Variants in RSU1 observed in about 807,000 individuals in gnomAD.
The protein encoded by RSU1 is rsu-1.
A neutral mutation model predicts 31.1 loss-of-function variants in RSU1; 26 were observed. That is an observed-to-expected ratio of 0.84 (90% confidence interval 0.61 to 1.16). The LOEUF is 1.16. RSU1 is among the 50% of genes most tolerant of loss of function. The pLI, the probability that RSU1 is intolerant of heterozygous loss-of-function variation, is 0.00. For missense variants in RSU1, 320 were observed against 339.1 expected (o/e 0.94, Z 0.44); for synonymous variants, 164 against 136.3 (o/e 1.20, Z -1.41).
chr10:16,808,288 G>A (rs577656196), intron 2 of RSU1, among the ~76,000 whole-genome samples: 1 of 151,886 alleles, frequency 6.6e-6, no homozygotes, highest in South Asian at 2.1e-4. Context: ...GACCAGCCTG[G>A]TCAACATGGC....
chr10:16,723,341 T>C (rs1462383814), intron 7 of RSU1: 1 of 152,176 alleles, frequency 6.6e-6, no homozygotes, highest in African/African-American at 2.4e-5. Flanking sequence ...TAAACCTGTG[T>C]CTATTTTTAA....
chr10:16,765,648 C>A (rs1167205066), intron 3 of RSU1, among the ~76,000 whole-genome samples: 1 of 152,214 alleles, frequency 6.6e-6, no homozygotes, highest in Non-Finnish European at 1.5e-5. Context: ...AGTCTTTCTA[C>A]AAACATTTCT....
In RSU1 at chr10:16,592,454, A is replaced by G. The variant is rs1031342231; in HGVS notation, c.*940T>C. 6.6e-6 allele frequency: 1 copy of G among 152,176 alleles called. No individual in the cohort carries two copies. The highest frequency in any genetic ancestry group is 1.5e-5 in the Non-Finnish European group (1 of 68,030). The allele number at this position is 152,176 out of a possible 1,614,324, so 9.4% of individuals were successfully genotyped here. On this transcript the variant is annotated 3_prime_UTR_variant, in exon 9 of 9. Transcript: ENST00000345264. ...TAATGACTCTGCAACTGTGGTTTCC[A>G]CCCTGGGTGTGGTGTAGCGCGTGCA...
intron 7 of RSU1, among the ~76,000 whole-genome samples, chr10:16,713,685 C>T (rs1309886954): frequency 6.6e-6 from 1 of 152,124 alleles, no homozygotes; most frequent in Non-Finnish European, 1.5e-5. Context: ...CATAAATGTC[C>T]TTTTCTTTGG....
chr10:16,768,610 G>C (rs139061069), intron 3 of RSU1, among the ~76,000 whole-genome samples: 1 of 152,298 alleles, frequency 6.6e-6, no homozygotes, highest in African/African-American at 2.4e-5. Flanking sequence ...AGGTGACAAG[G>C]ATGTGGTCAC....
chr10:16,730,088 T>C (rs2131599235), intron 7 of RSU1, among the ~76,000 whole-genome samples: 1 of 152,178 alleles, frequency 6.6e-6, no homozygotes, highest in East Asian at 1.9e-4. Flanking sequence ...AGGGGAGCTG[T>C]TGTGTATAGA....
chr10:16,739,242 G>A (rs1836701231), intron 7 of RSU1, among the ~76,000 whole-genome samples: 1 of 151,934 alleles, frequency 6.6e-6, no homozygotes, highest in South Asian at 2.1e-4. Context: ...TGGGATTGCT[G>A]GATCAAATGG....
intron 7 of RSU1, among the ~76,000 whole-genome samples, chr10:16,721,037 G>A (rs916154693): frequency 6.6e-6 from 1 of 152,090 alleles, no homozygotes; most frequent in Non-Finnish European, 1.5e-5. Flanking sequence ...AGAGTATCTG[G>A]TTCTGGTTCA....
intron 7 of RSU1, among the ~76,000 whole-genome samples, chr10:16,721,931 T>C (rs919835693): frequency 1.3e-5 from 2 of 152,198 alleles, no homozygotes; most frequent in African/African-American, 4.8e-5. Flanking sequence ...GCCGGCTACA[T>C]AGCAAGTACA....
chr10:16,645,976 GTGTA>G lies in RSU1; in HGVS notation c.731+49043_731+49046del, dbSNP rs1834554943. Among the ~76,000 whole-genome samples, 2 of 65,772 alleles carry G rather than the reference GTGTA, an allele frequency of 3.0e-5. 1 individual carries two copies. The highest frequency in any genetic ancestry group is 1.8e-4 in the African/African-American group (2 of 11,128). 43.1% of individuals were successfully genotyped at this position (65,772 alleles called of 152,430 possible). On this transcript the variant is annotated intron_variant, in intron 8 of 8. Transcript: ENST00000345264. ...TATATACATATATGTGTATATATAT[GTGTA>G]TATACATATATGTGTATATATATGT...
intron 2 of RSU1, among the ~76,000 whole-genome samples, chr10:16,808,762 A>T (rs1229861198): frequency 6.6e-6 from 1 of 152,194 alleles, no homozygotes; most frequent in Non-Finnish European, 1.5e-5. Flanking sequence ...ATACCTCAAC[A>T]TGTGACTATA....
intron 8 of RSU1, among the ~76,000 whole-genome samples, chr10:16,594,634 AAT>A (rs201462480): frequency 0.063 from 9,247 of 146,714 alleles, 770 homozygotes; most frequent in African/African-American, 0.19. Flanking sequence ...TATGATAGAT[AAT>A]ATGATATATA....
At chr10:16,763,611 A>G (rs1388938989) in intron 4 of RSU1, among the ~76,000 whole-genome samples, 2 of 152,144 alleles carry the variant, frequency 1.3e-5, no homozygotes, top group African/African-American at 4.8e-5. Context: ...TGCTGGGGAC[A>G]CAGACCCAGA....
rs1046462988 is a variant in RSU1 at position 16,612,135 on chromosome 10, G to C, written c.732-18639C>G. Among the ~76,000 whole-genome samples, 3 of 152,306 alleles carry C rather than the reference G, an allele frequency of 2.0e-5. No individual in the cohort carries two copies. The South Asian group carries it at 6.2e-4, about 32-fold the overall frequency. ...ATGCCACACTACGCTCAGAACTGGG[G>C]TTGTCCATTCAAATGTGGTTGAAGC... On this transcript the variant is annotated intron_variant, in intron 8 of 8. Transcript: ENST00000345264.
At chr10:16,617,993 T>G (rs1190411813) in intron 8 of RSU1, among the ~76,000 whole-genome samples, 1 of 152,146 alleles carries the variant, frequency 6.6e-6, no homozygotes, top group Non-Finnish European at 1.5e-5. Flanking sequence ...GGGATCTAAT[T>G]AAACTAAAGA....
rs150544862 is a variant in RSU1, at chr10:16,605,946, A to G, written c.732-12450T>C. On this transcript the variant is annotated intron_variant, in intron 8 of 8. Transcript: ENST00000345264. Reference sequence around the variant, plus strand: ...CCTCCTGAGTAGCTGGCACAAGCACATGCCACCATGCCTAATTTTTTTTCA... The same window carrying G: ...CCTCCTGAGTAGCTGGCACAAGCACGTGCCACCATGCCTAATTTTTTTTCA... 2.6e-5 allele frequency among the ~76,000 whole-genome samples: 4 copies of G among 151,892 alleles called. No individual in the cohort carries two copies. In the East Asian group the frequency reaches 7.8e-4, roughly 30 times the overall value.
intron 7 of RSU1, among the ~76,000 whole-genome samples, chr10:16,749,192 T>C (rs1836922740): frequency 6.6e-6 from 1 of 152,178 alleles, no homozygotes. Context: ...CTTTACTACT[T>C]AAGAACCAGA....
At chr10:16,747,274 A>G (rs970458196) in intron 7 of RSU1, among the ~76,000 whole-genome samples, 2 of 152,124 alleles carry the variant, frequency 1.3e-5, no homozygotes, top group Non-Finnish European at 2.9e-5. Context: ...GTACTCTTAA[A>G]TGTATGCTGA....
At chr10:16,797,311 G>C (rs183194830) in intron 2 of RSU1, among the ~76,000 whole-genome samples, 8 of 152,320 alleles carry the variant, frequency 5.3e-5, no homozygotes, top group Admixed American at 4.6e-4. Flanking sequence ...CAAGGATAGA[G>C]AAGATCCAGA....
Sources: gnomAD v4.1 joint callset for allele counts (sites outside exome capture counted in the v4.1 genomes callset) on GRCh38, gnomAD v4.1.1 for gene constraint, MANE v1.5 for transcripts, NCBI Gene and HGNC (gene_info 2026-07-23, HGNC 2026-07-21) for gene names.